The following COL21A1 variants were observed in gnomAD, a reference collection of about 807,000 sequenced individuals.
COL21A1 encodes collagen alpha-1(XXI) chain.
A neutral mutation model predicts 137.9 loss-of-function variants in COL21A1; 149 were observed. That is an observed-to-expected ratio of 1.08 (90% CI 0.95 to 1.24). COL21A1 has a LOEUF of 1.24. COL21A1 is among the 50% of genes most tolerant of loss of function. The probability of loss-of-function intolerance (pLI) is 0.00; values close to 1 mark genes in which losing one functional copy is unlikely to be tolerated. For synonymous variants in COL21A1, 456 were observed against 391.5 expected (o/e 1.16, Z -1.95); for missense variants, 1,167 against 1,158.4 (o/e 1.01, Z -0.11).
chr6:56,303,486 T>C (rs1764354031), intron 1 of COL21A1, among the ~76,000 whole-genome samples: 1 of 152,232 alleles, frequency 6.6e-6, no homozygotes, highest in Non-Finnish European at 1.5e-5. Flanking sequence ...TTATACTCTT[T>C]GAAGCAATTG....
At chr6:56,203,876 C>A (rs1480486152) in intron 1 of COL21A1, among the ~76,000 whole-genome samples, 1 of 152,106 alleles carries the variant, frequency 6.6e-6, no homozygotes, top group Non-Finnish European at 1.5e-5. Flanking sequence ...CAGGGGATCT[C>A]CCTCCCCCAG....
chr6:56,330,888 A>G (rs1480864057), intron 1 of COL21A1, among the ~76,000 whole-genome samples: 3 of 152,116 alleles, frequency 2.0e-5, no homozygotes, highest in Non-Finnish European at 4.4e-5. Context: ...ACTGTTTTCC[A>G]TAGAGGCTGT....
chr6:56,069,254 A>G (rs1766527214), intron 21 of COL21A1, 137 bp from the exon 22 acceptor site: 1 of 475,812 alleles, frequency 2.1e-6, no homozygotes, highest in Non-Finnish European at 3.7e-6. Context: ...CAGAAATAGT[A>G]AAGAATAAAA....
At chr6:56,104,319 C>A (rs1375911292) in intron 16 of COL21A1, among the ~76,000 whole-genome samples, 3 of 152,080 alleles carry the variant, frequency 2.0e-5, no homozygotes, top group Non-Finnish European at 2.9e-5. Flanking sequence ...GTGGATAAAG[C>A]GCTAGCATTT....
intron 1 of COL21A1, among the ~76,000 whole-genome samples, chr6:56,213,707 G>A (rs1474582478): frequency 6.6e-6 from 1 of 151,976 alleles, no homozygotes; most frequent in East Asian, 1.9e-4. Flanking sequence ...TTTTTCGTGT[G>A]TGTACTACAG....
At chr6:56,126,829 A>C (rs1181997642) in intron 12 of COL21A1, among the ~76,000 whole-genome samples, 1 of 152,234 alleles carries the variant, frequency 6.6e-6, no homozygotes, top group Non-Finnish European at 1.5e-5. Context: ...AATTTGGGTC[A>C]GATTCACTTT....
chr6:56,082,816 G>T (rs1449573543), intron 17 of COL21A1, among the ~76,000 whole-genome samples: 2 of 151,482 alleles, frequency 1.3e-5, no homozygotes, highest in African/African-American at 4.8e-5. Context: ...AAATAACTAG[G>T]TATTTAAAAT....
intron 1 of COL21A1, among the ~76,000 whole-genome samples, chr6:56,239,824 G>A (rs1282258131): frequency 6.6e-6 from 1 of 152,146 alleles, no homozygotes; most frequent in African/African-American, 2.4e-5. Context: ...CCTTTAGGAG[G>A]TGATTAGGCC....
chr6:56,351,790 T>G lies in COL21A1; in HGVS notation c.-39+42181A>C, dbSNP rs111382217. ...CAGCCTAATGGGGCTGATTGCTTGA[T>G]AAAACAAAAATAAAACAGACAAACA... On this transcript the variant is annotated intron_variant, in intron 1 of 28. Transcript: ENST00000370819. 2.3e-3 allele frequency among the ~76,000 whole-genome samples: 344 copies of G among 152,220 alleles called. 1 individual carries two copies. Among genetic ancestry groups the G allele is most frequent in the Middle Eastern group, 6.8e-3 (2 of 294 alleles).
chr6:56,383,119 T>C (rs894672995), intron 1 of COL21A1, among the ~76,000 whole-genome samples: 9 of 152,196 alleles, frequency 5.9e-5, no homozygotes, highest in Admixed American at 4.6e-4. Flanking sequence ...AATAAGAATA[T>C]ACTTTCTCAC....
At chr6:56,185,424 G>GTTTTTT (rs1339394474) in intron 1 of COL21A1, among the ~76,000 whole-genome samples, 14 of 75,726 alleles carry the variant, frequency 1.8e-4, no homozygotes, top group Admixed American at 2.6e-4. Flanking sequence ...GAAATGAACA[G>GTTTTTT]TCTTTTTTTT....
chr6:56,151,626 A>G (rs1775328822), intron 10 of COL21A1, among the ~76,000 whole-genome samples: 1 of 152,230 alleles, frequency 6.6e-6, no homozygotes, highest in Non-Finnish European at 1.5e-5. Context: ...TCCTATTTAA[A>G]GTTTCAGTTG....
intron 1 of COL21A1, among the ~76,000 whole-genome samples, chr6:56,267,140 T>G (rs888688029): frequency 6.6e-6 from 1 of 152,194 alleles, no homozygotes; most frequent in Admixed American, 6.5e-5. Context: ...TAAGGTGTCA[T>G]GAAAGTTGTA....
At chr6:56,099,079 C>G (rs773518717) in intron 17 of COL21A1, among the ~76,000 whole-genome samples, 1 of 151,568 alleles carries the variant, frequency 6.6e-6, no homozygotes, top group Non-Finnish European at 1.5e-5. Context: ...TCATGTTCAA[C>G]GTAAATACGT....
chr6:56,129,699 T>TGTGTGTGTGTGTGTGTGTGTGTGTGA (rs1450514214), intron 12 of COL21A1, among the ~76,000 whole-genome samples: 1 of 120,440 alleles, frequency 8.3e-6, no homozygotes, highest in African/African-American at 3.1e-5. Context: ...TGTGTGTGTG[T>TGTGTGTGTGTGTGTGTGTGTGTGTGA]GAGAGAGAGA....
chr6:56,202,557 AC>A (rs1779482130), intron 1 of COL21A1, among the ~76,000 whole-genome samples: 1 of 152,024 alleles, frequency 6.6e-6, no homozygotes, highest in African/African-American at 2.4e-5. Context: ...CTCTTATTTG[AC>A]CCCACTGATA....
At chr6:56,240,892 C>A (rs924223762) in intron 1 of COL21A1, among the ~76,000 whole-genome samples, 1 of 152,082 alleles carries the variant, frequency 6.6e-6, no homozygotes, top group African/African-American at 2.4e-5. Context: ...TTATAGGTAC[C>A]TATCGCTCAC....
chr6:56,095,524 G>A (rs190843166), intron 17 of COL21A1, among the ~76,000 whole-genome samples: 204 of 152,276 alleles, frequency 1.3e-3, no homozygotes, highest in African/African-American at 4.1e-3. Context: ...TCAGAATTAA[G>A]TGCAAACAGC....
chr6:56,105,155 G>A (rs1770775690), intron 16 of COL21A1, among the ~76,000 whole-genome samples: 1 of 152,128 alleles, frequency 6.6e-6, no homozygotes, highest in Non-Finnish European at 1.5e-5. Context: ...GTGAGCATAC[G>A]AACTAGACCT....
Sources: gnomAD v4.1 joint callset for allele counts (sites outside exome capture counted in the v4.1 genomes callset) on GRCh38, gnomAD v4.1.1 for gene constraint, MANE v1.5 for transcripts, NCBI Gene and HGNC (gene_info 2026-07-23, HGNC 2026-07-21) for gene names.